RDH10: variants seen among roughly 807,000 people sequenced by gnomAD.
The protein encoded by RDH10 is retinol dehydrogenase 10.
RDH10 carries 12 observed loss-of-function variants against 30.2 expected under a neutral mutation model. That is an observed-to-expected ratio of 0.40 (90% CI 0.25 to 0.64). The LOEUF (loss-of-function observed/expected upper bound fraction) is 0.64. Among genes scored for constraint, RDH10 ranks in the 30% least tolerant of loss-of-function variants. The probability of loss-of-function intolerance (pLI) is 0.43; values close to 1 mark genes in which losing one functional copy is unlikely to be tolerated. For synonymous variants in RDH10, 189 were observed against 172.2 expected, an observed-to-expected ratio of 1.10 and a Z score of -0.76; for missense variants, 268 against 445.2, an observed-to-expected ratio of 0.60 and a Z score of 3.58.
chr8:73,295,596 G>A lies in RDH10; in HGVS notation c.289+18G>A, dbSNP rs752044228. 66 of 1,478,206 alleles carry A rather than the reference G, an allele frequency of 4.5e-5. No individual in the cohort carries two copies. The South Asian group carries it at 8.6e-4, about 19-fold the overall frequency. The allele number at this position is 1,478,206 out of a possible 1,614,324, so 91.6% of individuals were successfully genotyped here. ...GCTGCAAGGTAACCTGGACCCGCGC[G>A]GGAGCATTGTTGGGTCAAGCCTCTT... On this transcript the variant is annotated intron_variant, in intron 1 of 5. Coordinates refer to ENST00000240285, the MANE Select transcript of RDH10 (RefSeq NM_172037.5).
At chr8:73,298,436 C>G (rs1191799778) in intron 2 of RDH10, among the ~76,000 whole-genome samples, 1 of 152,182 alleles carries the variant, frequency 6.6e-6, no homozygotes, top group Non-Finnish European at 1.5e-5. Flanking sequence ...AGTACTTATT[C>G]AAATGTTGCA....
At chr8:73,296,828 A>G (rs1334901460) in intron 1 of RDH10, among the ~76,000 whole-genome samples, 2 of 152,126 alleles carry the variant, frequency 1.3e-5, no homozygotes, top group East Asian at 1.9e-4. Flanking sequence ...TGTTTCCCCA[A>G]AAAAAGAGGA....
At chr8:73,316,094 G>A (rs1814657836) in intron 2 of RDH10, among the ~76,000 whole-genome samples, 1 of 152,158 alleles carries the variant, frequency 6.6e-6, no homozygotes, top group African/African-American at 2.4e-5. Context: ...ACGGCTCACT[G>A]TAGCCTCGAC....
intron 2 of RDH10, among the ~76,000 whole-genome samples, chr8:73,303,603 G>A (rs762542250): frequency 1.1e-4 from 16 of 152,172 alleles, no homozygotes; most frequent in Non-Finnish European, 2.2e-4. Context: ...AACTTTAGAA[G>A]TACTTTCAAT....
At chr8:73,316,857 A>G (rs1468511361) in intron 2 of RDH10, among the ~76,000 whole-genome samples, 1 of 152,118 alleles carries the variant, frequency 6.6e-6, no homozygotes, top group Admixed American at 6.5e-5. Context: ...CCGATCTCGC[A>G]AGAACTCACT....
intron 2 of RDH10, among the ~76,000 whole-genome samples, chr8:73,309,147 A>G (rs191705008): frequency 1.3e-5 from 2 of 152,122 alleles, no homozygotes; most frequent in Admixed American, 1.3e-4. Flanking sequence ...ATGTCAGACC[A>G]CGCACTCTGG....
At chr8:73,297,090 T>G in intron 1 of RDH10, 104 bp from the exon 2 acceptor site, 2 of 712,746 alleles carry the variant, frequency 2.8e-6, no homozygotes, top group Non-Finnish European at 2.5e-6. Flanking sequence ...CACTGTAGTA[T>G]TTTTGTTTTG....
At chr8:73,308,663 G>T (rs1468892841) in intron 2 of RDH10, among the ~76,000 whole-genome samples, 2 of 152,152 alleles carry the variant, frequency 1.3e-5, no homozygotes, top group Non-Finnish European at 2.9e-5. Flanking sequence ...GCTAAAAATG[G>T]ATCCAAGGTA....
intron 2 of RDH10, among the ~76,000 whole-genome samples, chr8:73,307,178 AAAG>A (rs1814478955): frequency 6.6e-6 from 1 of 152,172 alleles, no homozygotes. Context: ...GGGACTGATA[AAAG>A]AAGGATTAGA....
At chr8:73,321,502 C>T (rs1170585648) in intron 4 of RDH10, among the ~76,000 whole-genome samples, 1 of 152,236 alleles carries the variant, frequency 6.6e-6, no homozygotes, top group East Asian at 1.9e-4. Flanking sequence ...TCTGAAAAGA[C>T]CATTGAATAT....
chr8:73,305,689 C>G (rs1814453942), intron 2 of RDH10, among the ~76,000 whole-genome samples: 1 of 152,190 alleles, frequency 6.6e-6, no homozygotes, highest in African/African-American at 2.4e-5. Flanking sequence ...GACCCCCAAA[C>G]TGTACTATGC....
In RDH10 at chr8:73,295,179, C is replaced by A. The variant is rs184524560; in HGVS notation, c.-111C>A. On this transcript the variant is annotated 5_prime_UTR_variant, in exon 1 of 6. Coordinates refer to ENST00000240285, the MANE Select transcript of RDH10 (RefSeq NM_172037.5). ...CTCGGGGGCGGGCGCGGGGCGCAGC[C>A]TTCTCGTCCCGGCCTCTGTGACAAG... 1.2e-3 allele frequency: 1,286 copies of A among 1,091,704 alleles called. 27 individuals are homozygous for A. In the East Asian group the frequency reaches 0.039, roughly 33 times the overall value. The allele number at this position is 1,091,704 out of a possible 1,614,324, so 67.6% of individuals were successfully genotyped here.
intron 2 of RDH10, among the ~76,000 whole-genome samples, chr8:73,299,815 TA>T (rs1814344449): frequency 6.6e-6 from 1 of 152,250 alleles, no homozygotes; most frequent in African/African-American, 2.4e-5. Context: ...AGACATCTGA[TA>T]AAATGAATGC....
chr8:73,308,375 C>A (rs962642162), intron 2 of RDH10, among the ~76,000 whole-genome samples: 1 of 152,170 alleles, frequency 6.6e-6, no homozygotes, highest in Non-Finnish European at 1.5e-5. Flanking sequence ...CTGGTAGTGT[C>A]CAAACTTATA....
intron 2 of RDH10, among the ~76,000 whole-genome samples, chr8:73,317,177 G>A (rs1019583448): frequency 6.6e-6 from 1 of 152,142 alleles, no homozygotes; most frequent in African/African-American, 2.4e-5. Context: ...TCGCATTAAG[G>A]TAAATGGTAC....
chr8:73,298,337 A>AC (rs1814314102), intron 2 of RDH10, among the ~76,000 whole-genome samples: 1 of 152,186 alleles, frequency 6.6e-6, no homozygotes. Context: ...TTCTAATAGA[A>AC]CACAACAAAG....
In RDH10 at chr8:73,294,656, G is replaced by A; in HGVS notation, c.-634G>A. 2 of 349,606 alleles carry A rather than the reference G, an allele frequency of 5.7e-6. No individual in the cohort carries two copies. Among genetic ancestry groups the A allele is most frequent in the Non-Finnish European group, 1.0e-5 (2 of 195,170 alleles). The allele number at this position is 349,606 out of a possible 1,614,324, so 21.7% of individuals were successfully genotyped here. A position where few individuals can be genotyped will look rare whatever the true frequency, so the allele number is the denominator to read the frequency against. On this transcript the variant is annotated 5_prime_UTR_variant, in exon 1 of 6. Coordinates refer to ENST00000240285, the MANE Select transcript of RDH10 (RefSeq NM_172037.5). ...AGCGGGCTGCGCTGCGGAGCCCAGT[G>A]CCCGAGTGACACCCGCGGAGAGTGC... is the stretch of plus-strand genomic sequence containing the variant.
intron 2 of RDH10, among the ~76,000 whole-genome samples, chr8:73,298,588 C>T (rs368638888): frequency 4.6e-5 from 7 of 152,100 alleles, no homozygotes; most frequent in Non-Finnish European, 8.8e-5. Context: ...AATGCAGTGG[C>T]GCGATCTTGG....
At chr8:73,321,267 T>A (rs2130382682) in intron 4 of RDH10, among the ~76,000 whole-genome samples, 190 bp downstream of exon 4, 1 of 152,378 alleles carries the variant, frequency 6.6e-6, no homozygotes, top group Middle Eastern at 3.4e-3. Context: ...TACACACTGA[T>A]ACTAATTTGC....
Sources: gnomAD v4.1 joint callset for allele counts (sites outside exome capture counted in the v4.1 genomes callset) on GRCh38, gnomAD v4.1.1 for gene constraint, MANE v1.5 for transcripts, NCBI Gene and HGNC (gene_info 2026-07-23, HGNC 2026-07-21) for gene names.